Variants in PHACTR1 observed in about 807,000 individuals in gnomAD.
PHACTR1 encodes the protein phosphatase and actin regulator 1.
Under a neutral mutation model 69.2 loss-of-function variants are expected in PHACTR1, and 16 were observed. The ratio of observed to expected loss-of-function variants is 0.23; its 90% CI spans 0.16 to 0.35. PHACTR1 has a LOEUF of 0.35. PHACTR1 is among the 10% of genes least tolerant of loss of function. The probability of loss-of-function intolerance (pLI) is 1.00; values close to 1 mark genes in which losing one functional copy is unlikely to be tolerated. For missense variants in PHACTR1, 510 were observed against 734.7 expected (o/e 0.69, Z 3.54); for synonymous variants, 312 against 284.5 (o/e 1.10, Z -0.97).
chr6:12,937,045 T>A (rs1789535954), intron 4 of PHACTR1, among the ~76,000 whole-genome samples: 2 of 152,176 alleles, frequency 1.3e-5, no homozygotes, highest in Non-Finnish European at 1.5e-5. Context: ...CAGGCCCCGG[T>A]CTTATTTTCT....
chr6:13,167,846 G>A (rs778591748), intron 6 of PHACTR1, among the ~76,000 whole-genome samples: 1 of 152,012 alleles, frequency 6.6e-6, no homozygotes, highest in Non-Finnish European at 1.5e-5. Flanking sequence ...TTTACACAGG[G>A]GTCGCATTTT....
chr6:12,761,562 A>G (rs1327124805), intron 4 of PHACTR1, among the ~76,000 whole-genome samples: 1 of 152,206 alleles, frequency 6.6e-6, no homozygotes, highest in Admixed American at 6.5e-5. Context: ...TTTTTACTTG[A>G]TAACAGTCAT....
intron 7 of PHACTR1, among the ~76,000 whole-genome samples, chr6:13,186,788 G>A (rs943402416): frequency 2.6e-5 from 4 of 152,320 alleles, no homozygotes; most frequent in Non-Finnish European, 5.9e-5. Flanking sequence ...TGGGGCGGGA[G>A]AGATTATTTC....
chr6:12,732,295 T>C (rs1333104445), intron 3 of PHACTR1, among the ~76,000 whole-genome samples: 1 of 126,898 alleles, frequency 7.9e-6, no homozygotes, highest in African/African-American at 3.2e-5. Flanking sequence ...TTTACACACA[T>C]GGGCACACAC....
At position 12,760,613 on chromosome 6, in the gene PHACTR1, G is replaced by A. The variant is rs780129806; in HGVS notation, c.250+10823G>A. 5.3e-5 allele frequency among the ~76,000 whole-genome samples: 8 copies of A among 152,242 alleles called. 1 individual carries two copies. The highest frequency in any genetic ancestry group is 9.6e-5 in the African/African-American group (4 of 41,552). ...ACACAACCTTCCAGTTTGGGAGGCCGTACATGTTGGTCAGAAGATCACATC... is the reference window on the plus strand; with the variant it reads ...ACACAACCTTCCAGTTTGGGAGGCCATACATGTTGGTCAGAAGATCACATC... On this transcript the variant is annotated intron_variant, in intron 4 of 14. Transcript: ENST00000332995.
intron 6 of PHACTR1, among the ~76,000 whole-genome samples, chr6:13,174,449 G>T (rs1430986220): frequency 6.6e-6 from 1 of 152,232 alleles, no homozygotes; most frequent in Non-Finnish European, 1.5e-5. Flanking sequence ...CAACAAAGAT[G>T]CAGTGTAGTT....
intron 4 of PHACTR1, among the ~76,000 whole-genome samples, chr6:12,844,586 G>A (rs1779017841): frequency 1.3e-5 from 2 of 152,062 alleles, no homozygotes; most frequent in South Asian, 2.1e-4. Context: ...GCTCTAGGGA[G>A]TTTATATTTT....
At chr6:13,178,617 T>C (rs1482518705) in intron 6 of PHACTR1, among the ~76,000 whole-genome samples, 1 of 152,246 alleles carries the variant, frequency 6.6e-6, no homozygotes, top group African/African-American at 2.4e-5. Context: ...AACCACTGTC[T>C]TAACCCATGT....
intron 4 of PHACTR1, among the ~76,000 whole-genome samples, chr6:12,779,275 C>T (rs1325183827): frequency 2.0e-5 from 3 of 152,102 alleles, no homozygotes; most frequent in East Asian, 1.9e-4. Flanking sequence ...GCAGAGATTG[C>T]GGTGAGCTGA....
At position 13,003,979 on chromosome 6, in the gene PHACTR1, A is replaced by T. The variant is rs1173844703; in HGVS notation, c.251-49386A>T. 3.4e-5 allele frequency among the ~76,000 whole-genome samples: 4 copies of T among 118,420 alleles called. 1 individual carries two copies. Among genetic ancestry groups the T allele is most frequent in the Admixed American group, 3.1e-4 (4 of 12,718 alleles). 77.7% of individuals were successfully genotyped at this position (118,420 alleles called of 152,430 possible). A position where few individuals can be genotyped will look rare whatever the true frequency, so the allele number is the denominator to read the frequency against. On this transcript the variant is annotated intron_variant, in intron 4 of 14. Coordinates refer to ENST00000332995, the MANE Select transcript of PHACTR1 (RefSeq NM_030948.6). ...TATATATATATGTATATATATATAT[A>T]CACATATATATATATCACATTTTCT...
Position 13,245,378 on chromosome 6 carries a change from G to A in PHACTR1, c.1391+15185G>A, listed in dbSNP as rs190881511. ...TTTAATAATAGACATTCTGACTGGTGTGAGATGATATGTGGTTTTGATTTG... is the reference window on the plus strand; with the variant it reads ...TTTAATAATAGACATTCTGACTGGTATGAGATGATATGTGGTTTTGATTTG... On this transcript the variant is annotated intron_variant, in intron 10 of 14. Coordinates refer to ENST00000332995, the MANE Select transcript of PHACTR1 (RefSeq NM_030948.6). This position sits in a 1 kb window ranked among gnomAD's most constrained non-coding sequence, Gnocchi z 4.1. Among the ~76,000 whole-genome samples, 23 of 152,240 alleles carry A rather than the reference G, an allele frequency of 1.5e-4. No homozygotes were observed. Among genetic ancestry groups the A allele is most frequent in the Admixed American group, 1.2e-3 (19 of 15,284 alleles).
chr6:12,864,939 T>C (rs1439016000), intron 4 of PHACTR1, among the ~76,000 whole-genome samples: 1 of 152,136 alleles, frequency 6.6e-6, no homozygotes, highest in East Asian at 1.9e-4. Context: ...GTGGCCCTAA[T>C]CGACTGTTCT....
chr6:13,064,638 A>C (rs1808335422), intron 5 of PHACTR1, among the ~76,000 whole-genome samples: 2 of 113,784 alleles, frequency 1.8e-5, no homozygotes, highest in East Asian at 3.1e-4. Flanking sequence ...TTGCCAGACT[A>C]TGGAGGATTC....
chr6:12,718,811 T>G lies in PHACTR1; in HGVS notation c.67T>G (p.Ser23Ala), dbSNP rs1258298547. 6.4e-7 allele frequency: 1 copy of G among 1,572,906 alleles called. No homozygotes were observed. The highest frequency in any genetic ancestry group is 1.2e-5 in the South Asian group (1 of 85,192). The change falls in exon 3 of 15, where the codon TCA becomes GCA. Residue 23 changes from serine to alanine, a missense_variant. By Grantham distance (99) the Ser-to-Ala change is moderately conservative. Around this residue, in one of 2 missense-constraint regions of PHACTR1, gnomAD observed 419 missense variants for 530.9 expected, o/e 0.79. Transcript: ENST00000332995. ...ESAHRLLDVE[S>A]AQRFFYSQGA... ...TGCTCACAGACTCTTGGATGTTGAG[T>G]CAGCTCAAAGATTCTTCTACAGTCA... is the stretch of plus-strand genomic sequence containing the variant.
In PHACTR1 at chr6:12,777,248, T is replaced by TTA. The variant is rs1770187772; in HGVS notation, c.250+27458_250+27459insTA. Among the ~76,000 whole-genome samples the TTA allele has an allele frequency of 2.0e-5, 3 of 150,046 alleles. 1 individual carries two copies. Among genetic ancestry groups the TTA allele is most frequent in the East Asian group, 1.9e-4 (1 of 5,174 alleles). On this transcript the variant is annotated intron_variant, in intron 4 of 14. Coordinates refer to ENST00000332995, the MANE Select transcript of PHACTR1 (RefSeq NM_030948.6). ...ATATATATATATATATATATTTTTT[T>TTA]AATTTTTATTTTAGGTTCAGGGGTA...
At chr6:12,776,776 T>G (rs1770114137) in intron 4 of PHACTR1, among the ~76,000 whole-genome samples, 1 of 152,210 alleles carries the variant, frequency 6.6e-6, no homozygotes, top group Non-Finnish European at 1.5e-5. Context: ...AAATGGATCC[T>G]TACGTTCTTC....
intron 4 of PHACTR1, among the ~76,000 whole-genome samples, chr6:13,026,124 T>C (rs1217608333): frequency 6.6e-6 from 1 of 152,232 alleles, no homozygotes; most frequent in Admixed American, 6.5e-5. Context: ...TTTGAAAATA[T>C]CATAGCCTAA....
chr6:13,140,783 T>C (rs555826123), intron 5 of PHACTR1, among the ~76,000 whole-genome samples: 2 of 152,354 alleles, frequency 1.3e-5, no homozygotes, highest in South Asian at 2.1e-4. Context: ...AATTTTCTTA[T>C]TTATAGTCTA....
intron 4 of PHACTR1, among the ~76,000 whole-genome samples, chr6:12,941,055 C>T (rs1272137353): frequency 6.6e-6 from 1 of 152,132 alleles, no homozygotes; most frequent in Non-Finnish European, 1.5e-5. Flanking sequence ...CGTTATGTTT[C>T]CTGGGCTTTT....
Sources: gnomAD v4.1 joint callset for allele counts (sites outside exome capture counted in the v4.1 genomes callset) on GRCh38, gnomAD v4.1.1 for gene constraint, gnomAD v4.1.1 regional missense constraint, Gnocchi (gnomAD v3.1) non-coding constraint, MANE v1.5 for transcripts, NCBI Gene and HGNC (gene_info 2026-07-23, HGNC 2026-07-21) for gene names.